HS3ST5: variants seen among roughly 807,000 people sequenced by gnomAD.
The protein encoded by HS3ST5 is heparan sulfate glucosamine 3-O-sulfotransferase 5.
HS3ST5 carries 10 observed loss-of-function variants against 25.4 expected under a neutral mutation model. The ratio of observed to expected loss-of-function variants is 0.39; its 90% CI spans 0.24 to 0.67. The LOEUF is 0.67. Among genes scored for constraint, HS3ST5 ranks in the 30% least tolerant of loss-of-function variants. The pLI is 0.44. For missense variants in HS3ST5, 324 were observed against 420.7 expected (o/e 0.77, Z 2.01); for synonymous variants, 170 against 162.4 (o/e 1.05, Z -0.36).
chr6:114,096,437 C>A (rs972996221), intron 3 of HS3ST5, among the ~76,000 whole-genome samples: 1 of 151,958 alleles, frequency 6.6e-6, no homozygotes, highest in African/African-American at 2.4e-5. Flanking sequence ...GACTTTTTTT[C>A]CCCATAAAAA....
intron 3 of HS3ST5, among the ~76,000 whole-genome samples, chr6:114,093,694 A>G (rs1389963611): frequency 6.6e-6 from 1 of 152,172 alleles, no homozygotes; most frequent in Non-Finnish European, 1.5e-5. Context: ...GGCAGACATG[A>G]TGACAGATGC....
intron 2 of HS3ST5, among the ~76,000 whole-genome samples, chr6:114,210,089 T>C (rs1370568211): frequency 1.3e-5 from 2 of 152,166 alleles, no homozygotes; most frequent in Non-Finnish European, 2.9e-5. Flanking sequence ...AATACTCTAT[T>C]GTAAATCAAC....
At chr6:114,271,528 A>G (rs1272695768) in intron 1 of HS3ST5, among the ~76,000 whole-genome samples, 1 of 152,066 alleles carries the variant, frequency 6.6e-6, no homozygotes, top group Non-Finnish European at 1.5e-5. Flanking sequence ...CTTATGTTTC[A>G]GAAATATATA....
chr6:114,259,357 T>C (rs1773067320), intron 1 of HS3ST5, among the ~76,000 whole-genome samples: 2 of 152,218 alleles, frequency 1.3e-5, no homozygotes, highest in Admixed American at 1.3e-4. Context: ...TAAATTCTTT[T>C]AATACTCATG....
At chr6:114,066,865 C>G (rs554267558) in intron 3 of HS3ST5, among the ~76,000 whole-genome samples, 5 of 152,174 alleles carry the variant, frequency 3.3e-5, no homozygotes, top group African/African-American at 1.2e-4. Context: ...TATTAATCTT[C>G]CTAATATAAG....
intron 1 of HS3ST5, among the ~76,000 whole-genome samples, chr6:114,256,387 CA>C (rs776203710): frequency 4.6e-4 from 59 of 127,230 alleles, no homozygotes; most frequent in Admixed American, 7.3e-4. Context: ...GACTCCCTCT[CA>C]AAAAAAAAAA....
intron 3 of HS3ST5, among the ~76,000 whole-genome samples, chr6:114,128,426 T>C (rs1413986490): frequency 6.6e-6 from 1 of 152,112 alleles, no homozygotes; most frequent in African/African-American, 2.4e-5. Flanking sequence ...GTAACTAATG[T>C]TGATTGCCTG....
In HS3ST5 at chr6:114,285,318, A is replaced by T. The variant is rs113045118; in HGVS notation, c.-338-56540T>A. Among the ~76,000 whole-genome samples the T allele has an allele frequency of 5.1e-3, 781 of 152,116 alleles. 5 individuals are homozygous for T. Among genetic ancestry groups the T allele is most frequent in the African/African-American group, 0.018 (746 of 41,522 alleles). ...GATGGAGGGTGGGAGGAGGGAGAGG[A>T]TCAGAAAAATAACTAATGGGCAGTA... On this transcript the variant is annotated intron_variant, in intron 1 of 4. Transcript: ENST00000312719.
chr6:114,135,979 G>A (rs1445474540), intron 3 of HS3ST5, among the ~76,000 whole-genome samples: 3 of 152,200 alleles, frequency 2.0e-5, no homozygotes, highest in Non-Finnish European at 4.4e-5. Flanking sequence ...ATACCAGGAA[G>A]GCAGAGATCC....
intron 3 of HS3ST5, among the ~76,000 whole-genome samples, chr6:114,066,888 T>C (rs6926298): frequency 0.17 from 25,480 of 152,098 alleles, 2,430 homozygotes; most frequent in African/African-American, 0.27. Context: ...ATTTTGTCCC[T>C]CATCTATTTT....
chr6:114,259,005 G>C (rs1189200626), intron 1 of HS3ST5, among the ~76,000 whole-genome samples: 1 of 152,140 alleles, frequency 6.6e-6, no homozygotes, highest in Non-Finnish European at 1.5e-5. Flanking sequence ...ACACTAAAAA[G>C]TTTTTTCTCC....
intron 2 of HS3ST5, among the ~76,000 whole-genome samples, chr6:114,185,712 T>C (rs1780186000): frequency 6.6e-6 from 1 of 152,012 alleles, no homozygotes; most frequent in Admixed American, 6.6e-5. Context: ...ATATATCTGT[T>C]ATAATAATCA....
At chr6:114,094,421 A>C (rs912292895) in intron 3 of HS3ST5, among the ~76,000 whole-genome samples, 8 of 152,206 alleles carry the variant, frequency 5.3e-5, no homozygotes, top group Non-Finnish European at 1.0e-4. Flanking sequence ...CCAAACCATA[A>C]ACTGAGATTT....
rs1308373489 is a variant in HS3ST5, at chr6:114,237,305, C to CA, written c.-338-8528dup. Among the ~76,000 whole-genome samples the CA allele has an allele frequency of 2.7e-5, 4 of 146,838 alleles. No individual in the cohort carries two copies. In the East Asian group the frequency reaches 6.0e-4, roughly 22 times the overall value. On this transcript the variant is annotated intron_variant, in intron 1 of 4. Coordinates refer to ENST00000312719, the MANE Select transcript of HS3ST5 (RefSeq NM_153612.4). ...ATACCAAGGGAAAGTTCAAATAAGTCAAAAATAAAACAAGATACGAGTACT... is the reference window on the plus strand; with the variant it reads ...ATACCAAGGGAAAGTTCAAATAAGTCAAAAAATAAAACAAGATACGAGTACT...
At chr6:114,256,350 T>A (rs1360608509) in intron 1 of HS3ST5, among the ~76,000 whole-genome samples, 1 of 149,578 alleles carries the variant, frequency 6.7e-6, no homozygotes, top group Non-Finnish European at 1.5e-5. Flanking sequence ...ATTGCGCCAC[T>A]GCACTCCAGC....
intron 3 of HS3ST5, among the ~76,000 whole-genome samples, chr6:114,141,955 TTGAA>T (rs1777926939): frequency 6.6e-6 from 1 of 151,520 alleles, no homozygotes; most frequent in Non-Finnish European, 1.5e-5. Flanking sequence ...CCTTATCTAT[TTGAA>T]TAAAACAAAT....
At position 114,058,167 on chromosome 6, in the gene HS3ST5, T is replaced by C; in HGVS notation, c.131A>G (p.Glu44Gly). 6.2e-7 allele frequency: 1 copy of C among 1,607,718 alleles called. No homozygotes were observed. The highest frequency in any genetic ancestry group is 8.5e-7 in the Non-Finnish European group (1 of 1,175,144). ...AGTGCGGGCTCCACCCAGTCGACCT[T>C]CAATGGGGCAAATGGGTTGTAGCCT... ...LDRLQPICPI[E>G]GRLGGARTQA... The change falls in exon 5 of 5, where the codon GAA becomes GGA. Residue 44 changes from glutamate to glycine, a missense_variant. Glu to Gly is a moderately conservative substitution (Grantham distance 98, BLOSUM62 -2). This residue lies in a region of HS3ST5 where 121 missense variants were observed against 117.3 expected (regional missense o/e 1.03). Transcript: ENST00000312719.
intron 2 of HS3ST5, among the ~76,000 whole-genome samples, chr6:114,218,688 A>G (rs1429949153): frequency 6.6e-6 from 1 of 152,262 alleles, no homozygotes; most frequent in Non-Finnish European, 1.5e-5. Context: ...TTCCCTGAGT[A>G]GGCCTAGAAT....
At chr6:114,141,319 A>C (rs1306547370) in intron 3 of HS3ST5, among the ~76,000 whole-genome samples, 1 of 152,242 alleles carries the variant, frequency 6.6e-6, no homozygotes, top group African/African-American at 2.4e-5. Flanking sequence ...TATCATGTAA[A>C]TATGGATACT....
Sources: gnomAD v4.1 joint callset for allele counts (sites outside exome capture counted in the v4.1 genomes callset) on GRCh38, gnomAD v4.1.1 for gene constraint, gnomAD v4.1.1 regional missense constraint, MANE v1.5 for transcripts, NCBI Gene and HGNC (gene_info 2026-07-23, HGNC 2026-07-21) for gene names.